The following MRPL57 variants were observed in gnomAD, a reference collection of about 807,000 sequenced individuals.
MRPL57 encodes large ribosomal subunit protein mL63.
MRPL57 carries 1 observed loss-of-function variant against 1.3 expected under a neutral mutation model. The observed-to-expected ratio is 0.79, with a 90% CI of 0.28 to 3.75. The LOEUF (loss-of-function observed/expected upper bound fraction) is 3.75, where lower values mean the gene tolerates loss of function less well. MRPL57 is among the 30% of genes most tolerant of loss of function. The pLI is 0.19. For synonymous variants in MRPL57, 79 were observed against 61.7 expected, an observed-to-expected ratio of 1.28 and a Z score of -1.31; for missense variants, 170 against 148.9, an observed-to-expected ratio of 1.14 and a Z score of -0.74.
rs1366623330 is a variant in MRPL57 at position 21,177,547 on chromosome 13, C to T, written c.*322C>T. ...TTAAGTATGAGATACTTGATGGGGGCTTTATCATGCAACATTAGTTTGCTT... is the reference window on the plus strand; with the variant it reads ...TTAAGTATGAGATACTTGATGGGGGTTTTATCATGCAACATTAGTTTGCTT... On this transcript the variant is annotated 3_prime_UTR_variant, in exon 2 of 2. Transcript: ENST00000309594. 1 of 334,894 alleles carries T rather than the reference C, an allele frequency of 3.0e-6. No homozygotes were observed. The highest frequency in any genetic ancestry group is 7.7e-5 in the East Asian group (1 of 12,958). 20.7% of individuals were successfully genotyped at this position (334,894 alleles called of 1,614,324 possible). A position where few individuals can be genotyped will look rare whatever the true frequency, so the allele number is the denominator to read the frequency against.
In MRPL57 at chr13:21,177,447, A is replaced by T. The variant is rs1360580289; in HGVS notation, c.*222A>T. On this transcript the variant is annotated 3_prime_UTR_variant, in exon 2 of 2. Transcript: ENST00000309594. ...GTGGTTTCATTAGTCTGATAGGAAG[A>T]TAGGGATTTCCTCAGTCACAGATGA... 1.7e-6 allele frequency: 1 copy of T among 574,326 alleles called. No individual in the cohort carries two copies. The highest frequency in any genetic ancestry group is 1.9e-5 in the African/African-American group (1 of 52,170). The allele number at this position is 574,326 out of a possible 1,614,324, so 35.6% of individuals were successfully genotyped here.
chr13:21,176,994 C>T lies in MRPL57; in HGVS notation c.78C>T (p.Phe26=). The change falls in exon 2 of 2, where the codon TTC becomes TTT. Residue 26 remains phenylalanine, a synonymous_variant. Coordinates refer to ENST00000309594, the MANE Select transcript of MRPL57 (RefSeq NM_024026.5). ...QWIGKHRRPR[F]VSLRAKQNMI... is the part of the protein sequence containing the mutation. ...TCGGGAAGCACCGGCGGCCGCGGTT[C>T]GTGTCGTTGCGCGCCAAGCAGAACA... 1 of 1,612,398 alleles carries T rather than the reference C, an allele frequency of 6.2e-7. No homozygotes were observed. Among genetic ancestry groups the T allele is most frequent in the Non-Finnish European group, 8.5e-7 (1 of 1,179,942 alleles).
Position 21,177,438 on chromosome 13 carries a change from G to C in MRPL57, c.*213G>C, listed in dbSNP as rs1376993198. ...TGCTGTCCTGTGGTTTCATTAGTCT[G>C]ATAGGAAGATAGGGATTTCCTCAGT... On this transcript the variant is annotated 3_prime_UTR_variant, in exon 2 of 2. Transcript: ENST00000309594. 1.7e-6 allele frequency: 1 copy of C among 582,448 alleles called. No individual in the cohort carries two copies. Among genetic ancestry groups the C allele is most frequent in the Non-Finnish European group, 3.1e-6 (1 of 326,310 alleles). The allele number at this position is 582,448 out of a possible 1,614,324, so 36.1% of individuals were successfully genotyped here.
Position 21,177,394 on chromosome 13 carries a change from C to CA in MRPL57, c.*171dup. On this transcript the variant is annotated 3_prime_UTR_variant, in exon 2 of 2. Transcript: ENST00000309594. Reference sequence around the variant, plus strand: ...TCGAATATCTAGAGCTCTAAACCCCCAATACTTAAAAGTCTAATTGCTGTC... The same window carrying CA: ...TCGAATATCTAGAGCTCTAAACCCCCAAATACTTAAAAGTCTAATTGCTGTC... The CA allele has an allele frequency of 1.5e-6, 1 of 683,594 alleles. No homozygotes were observed. The allele number at this position is 683,594 out of a possible 1,614,324, so 42.3% of individuals were successfully genotyped here. A position where few individuals can be genotyped will look rare whatever the true frequency, so the allele number is the denominator to read the frequency against.
Position 21,178,960 on chromosome 13 carries a change from C to T in MRPL57, c.*1735C>T, listed in dbSNP as rs1705614030. The T allele has an allele frequency of 6.0e-6, 1 of 166,732 alleles. No individual in the cohort carries two copies. Among genetic ancestry groups the T allele is most frequent in the South Asian group, 2.1e-4 (1 of 4,830 alleles). The allele number at this position is 166,732 out of a possible 1,614,324, so 10.3% of individuals were successfully genotyped here. The stretch of plus-strand genomic sequence containing the variant: ...TCCAGCCTGCATGACGGGAGTGAGA[C>T]ACCATCTCAAAAAATACATATAATA... On this transcript the variant is annotated 3_prime_UTR_variant, in exon 2 of 2. Coordinates refer to ENST00000309594, the MANE Select transcript of MRPL57 (RefSeq NM_024026.5).
chr13:21,177,918 G>C lies in MRPL57; in HGVS notation c.*693G>C, dbSNP rs1301785272. On this transcript the variant is annotated 3_prime_UTR_variant, in exon 2 of 2. Coordinates refer to ENST00000309594, the MANE Select transcript of MRPL57 (RefSeq NM_024026.5). ...TCAGAGGCAGAGGTTGCAATGAAGC[G>C]GAGGTTGCAGTGAGCCGAGAGCATG... 1 of 162,492 alleles carries C rather than the reference G, an allele frequency of 6.2e-6. No individual in the cohort carries two copies. Among genetic ancestry groups the C allele is most frequent in the Non-Finnish European group, 1.5e-5 (1 of 68,116 alleles). The allele number at this position is 162,492 out of a possible 1,614,324, so 10.1% of individuals were successfully genotyped here.
At chr13:21,176,742 C>T (rs914153993) in intron 1 of MRPL57, 25 bp downstream of exon 1, 1 of 722,284 alleles carries the variant, frequency 1.4e-6, no homozygotes, top group East Asian at 2.7e-5. Flanking sequence ...GAATTCGGTT[C>T]TCTAGGGAGC....
rs1871649128 is a variant in MRPL57 at position 21,177,513 on chromosome 13, G to A, written c.*288G>A. The A allele has an allele frequency of 6.8e-6, 3 of 444,202 alleles. No homozygotes were observed. Among genetic ancestry groups the A allele is most frequent in the Non-Finnish European group, 1.2e-5 (3 of 241,332 alleles). The allele number at this position is 444,202 out of a possible 1,614,324, so 27.5% of individuals were successfully genotyped here. On this transcript the variant is annotated 3_prime_UTR_variant, in exon 2 of 2. Transcript: ENST00000309594. The stretch of plus-strand genomic sequence containing the variant: ...CTGCAATAAAGCCACAATGATTTGA[G>A]GTCTTTGCTTAAGTATGAGATACTT...
At position 21,177,186 on chromosome 13, in the gene MRPL57, C is replaced by T. The variant is rs758170851; in HGVS notation, c.270C>T (p.Asp90=). The T allele has an allele frequency of 2.6e-5, 42 of 1,614,020 alleles. No individual in the cohort carries two copies. Among genetic ancestry groups the T allele is most frequent in the Middle Eastern group, 1.7e-4 (1 of 6,010 alleles). ...TCCCCCCGCATAGATTCATTGCGGA[C>T]CAGCTCGACCATCTCAATGTCACCA... ...SKFPPHRFIA[D]QLDHLNVTKK... is the part of the protein sequence containing the mutation. Residue 90 remains aspartate (D), a synonymous_variant, in exon 2 of 2, where the codon GAC becomes GAT. Coordinates refer to ENST00000309594, the MANE Select transcript of MRPL57 (RefSeq NM_024026.5).
At position 21,177,875 on chromosome 13, in the gene MRPL57, G is replaced by T; in HGVS notation, c.*650G>T. On this transcript the variant is annotated 3_prime_UTR_variant, in exon 2 of 2. Transcript: ENST00000309594. The stretch of plus-strand genomic sequence containing the variant: ...TCCCAGCTACTTGGGACGCTGAGGT[G>T]GGAGGATCGCCTGAACCTCAGAGGC... 1 of 161,208 alleles carries T rather than the reference G, an allele frequency of 6.2e-6. No homozygotes were observed. 10.0% of individuals were successfully genotyped at this position (161,208 alleles called of 1,614,324 possible). A position where few individuals can be genotyped will look rare whatever the true frequency, so the allele number is the denominator to read the frequency against.
At position 21,177,516 on chromosome 13, in the gene MRPL57, C is replaced by G. The variant is rs748929326; in HGVS notation, c.*291C>G. ...CAATAAAGCCACAATGATTTGAGGTCTTTGCTTAAGTATGAGATACTTGAT... is the reference window on the plus strand; with the variant it reads ...CAATAAAGCCACAATGATTTGAGGTGTTTGCTTAAGTATGAGATACTTGAT... On this transcript the variant is annotated 3_prime_UTR_variant, in exon 2 of 2. Coordinates refer to ENST00000309594, the MANE Select transcript of MRPL57 (RefSeq NM_024026.5). 2.3e-5 allele frequency: 10 copies of G among 434,466 alleles called. No homozygotes were observed. The highest frequency in any genetic ancestry group is 4.2e-5 in the Non-Finnish European group (10 of 235,472). The allele number at this position is 434,466 out of a possible 1,614,324, so 26.9% of individuals were successfully genotyped here.
rs1871638686 is a variant in MRPL57, at chr13:21,177,351, A to G, written c.*126A>G. The G allele has an allele frequency of 2.1e-6, 2 of 961,230 alleles. No homozygotes were observed. Among genetic ancestry groups the G allele is most frequent in the East Asian group, 2.6e-5 (1 of 38,248 alleles). 59.5% of individuals were successfully genotyped at this position (961,230 alleles called of 1,614,324 possible). On this transcript the variant is annotated 3_prime_UTR_variant, in exon 2 of 2. Coordinates refer to ENST00000309594, the MANE Select transcript of MRPL57 (RefSeq NM_024026.5). ...GACCAGTCTTTATTAAAACAAACAA[A>G]CATGAGTAGTCTGCATATCGAATAT...
In MRPL57 at chr13:21,177,392, C is replaced by CG; in HGVS notation, c.*167_*168insG. ...TATCGAATATCTAGAGCTCTAAACC[C>CG]CCAATACTTAAAAGTCTAATTGCTG... is the stretch of plus-strand genomic sequence containing the variant. On this transcript the variant is annotated 3_prime_UTR_variant, in exon 2 of 2. Transcript: ENST00000309594. 1.5e-6 allele frequency: 1 copy of CG among 683,726 alleles called. No homozygotes were observed. The highest frequency in any genetic ancestry group is 2.8e-5 in the East Asian group (1 of 36,310). The allele number at this position is 683,726 out of a possible 1,614,324, so 42.4% of individuals were successfully genotyped here.
At position 21,177,979 on chromosome 13, in the gene MRPL57, AAAG is replaced by A. The variant is rs1828827117; in HGVS notation, c.*757_*759del. On this transcript the variant is annotated 3_prime_UTR_variant, in exon 2 of 2. Transcript: ENST00000309594. Reference sequence around the variant, plus strand: ...CCAGCCTGGGAGACTGCATCTCAAAAAAGAAAAATAAACGAAGTAAAAGATATT... The same window carrying A: ...CCAGCCTGGGAGACTGCATCTCAAAAAAAAATAAACGAAGTAAAAGATATT... The A allele has an allele frequency of 1.2e-5, 2 of 167,090 alleles. No individual in the cohort carries two copies. Among genetic ancestry groups the A allele is most frequent in the Admixed American group, 1.3e-4 (2 of 15,304 alleles). 10.4% of individuals were successfully genotyped at this position (167,090 alleles called of 1,614,324 possible). A position where few individuals can be genotyped will look rare whatever the true frequency, so the allele number is the denominator to read the frequency against.
chr13:21,178,833 T>C lies in MRPL57; in HGVS notation c.*1608T>C, dbSNP rs1418985383. 2 of 160,304 alleles carry C rather than the reference T, an allele frequency of 1.2e-5. No homozygotes were observed. Among genetic ancestry groups the C allele is most frequent in the Non-Finnish European group, 2.9e-5 (2 of 68,082 alleles). The allele number at this position is 160,304 out of a possible 1,614,324, so 9.9% of individuals were successfully genotyped here. ...GCAAAAAAAATTTAGCCAGGCTTGG[T>C]CATGCATGCCTGTAATCCTAGCTAC... is the stretch of plus-strand genomic sequence containing the variant. On this transcript the variant is annotated 3_prime_UTR_variant, in exon 2 of 2. Coordinates refer to ENST00000309594, the MANE Select transcript of MRPL57 (RefSeq NM_024026.5).
chr13:21,176,897 CCCTCT>C lies in MRPL57; in HGVS notation c.-5-13_-5-9del, dbSNP rs765993369. 1 of 1,598,524 alleles carries C rather than the reference CCCTCT, an allele frequency of 6.3e-7. No homozygotes were observed. The highest frequency in any genetic ancestry group is 1.1e-5 in the South Asian group (1 of 90,862). On this transcript the variant is annotated splice_polypyrimidine_tract_variant and intron_variant, in intron 1 of 1. Coordinates refer to ENST00000309594, the MANE Select transcript of MRPL57 (RefSeq NM_024026.5). Reference sequence around the variant, plus strand: ...GCCAGTTCGCCTCCGCAAAGCCCGTCCCTCTCTTCCGCAGGCACCATGTTCCTGAC... The same window carrying C: ...GCCAGTTCGCCTCCGCAAAGCCCGTCCTTCCGCAGGCACCATGTTCCTGAC...
Position 21,177,143 on chromosome 13 carries a change from C to T in MRPL57, c.227C>T (p.Ala76Val). 3.7e-6 allele frequency: 6 copies of T among 1,613,948 alleles called. No homozygotes were observed. Among genetic ancestry groups the T allele is most frequent in the South Asian group, 1.1e-5 (1 of 91,082 alleles). Reference protein sequence around the residue: ...RRREAFEAIKAAATSKFPPHR... With the variant: ...RRREAFEAIKVAATSKFPPHR... ...AGGGAGGCCTTCGAGGCCATAAAGG[C>T]GGCCGCCACTTCCAAGTTCCCCCCG... The change falls in exon 2 of 2, where the codon GCG becomes GTG. Residue 76 changes from alanine to valine, a missense_variant. By Grantham distance (64) the Ala-to-Val change is moderately conservative. Coordinates refer to ENST00000309594, the MANE Select transcript of MRPL57 (RefSeq NM_024026.5).
In MRPL57 at chr13:21,176,975, A is replaced by G. The variant is rs147118125; in HGVS notation, c.59A>G (p.Lys20Arg). ...ATTCCCGGCCGTCAGTGGATCGGGA[A>G]GCACCGGCGGCCGCGGTTCGTGTCG... Reference protein sequence around the residue: ...GRIPGRQWIGKHRRPRFVSLR... With the variant: ...GRIPGRQWIGRHRRPRFVSLR... The change falls in exon 2 of 2, where the codon AAG (lysine) becomes AGG (arginine). Residue 20 changes from lysine (K) to arginine (R), a missense_variant. Transcript: ENST00000309594. 10 of 1,611,856 alleles carry G rather than the reference A, an allele frequency of 6.2e-6. No homozygotes were observed. The African/African-American group carries it at 1.3e-4, about 22-fold the overall frequency.
Position 21,177,377 on chromosome 13 carries a change from C to T in MRPL57, c.*152C>T, listed in dbSNP as rs1311463920. 2 of 702,372 alleles carry T rather than the reference C, an allele frequency of 2.8e-6. No individual in the cohort carries two copies. Among genetic ancestry groups the T allele is most frequent in the Non-Finnish European group, 4.5e-6 (2 of 448,024 alleles). 43.5% of individuals were successfully genotyped at this position (702,372 alleles called of 1,614,324 possible). A position where few individuals can be genotyped will look rare whatever the true frequency, so the allele number is the denominator to read the frequency against. ...CATGAGTAGTCTGCATATCGAATAT[C>T]TAGAGCTCTAAACCCCCAATACTTA... is the stretch of plus-strand genomic sequence containing the variant. On this transcript the variant is annotated 3_prime_UTR_variant, in exon 2 of 2. Coordinates refer to ENST00000309594, the MANE Select transcript of MRPL57 (RefSeq NM_024026.5).
Sources: gnomAD v4.1 joint callset for allele counts on GRCh38, gnomAD v4.1.1 for gene constraint, MANE v1.5 for transcripts, NCBI Gene and HGNC (gene_info 2026-07-23, HGNC 2026-07-21) for gene names.